The following TMTC4 variants were observed in gnomAD, a reference collection of about 807,000 sequenced individuals.
TMTC4 encodes protein O-mannosyl-transferase TMTC4.
In TMTC4, 65 loss-of-function variants were observed where a neutral mutation model predicts 86.0. That is an observed-to-expected ratio of 0.76 (90% confidence interval 0.62 to 0.93). TMTC4 has a LOEUF of 0.93. TMTC4 is among the 40% of genes least tolerant of loss of function. The probability of loss-of-function intolerance (pLI) is 0.00; values close to 1 mark genes in which losing one functional copy is unlikely to be tolerated. For synonymous variants in TMTC4, 379 were observed against 382.5 expected, an observed-to-expected ratio of 0.99 and a Z score of 0.11; for missense variants, 866 against 948.1, an observed-to-expected ratio of 0.91 and a Z score of 1.14.
At chr13:100,665,729 G>A (rs973097957) in intron 3 of TMTC4, among the ~76,000 whole-genome samples, 18 of 152,260 alleles carry the variant, frequency 1.2e-4, no homozygotes, top group Non-Finnish European at 2.2e-4. Context: ...CAGCCACCAT[G>A]CGACTTAGCA....
At chr13:100,636,838 T>C (rs1433227965) in intron 9 of TMTC4, 104 bp from the exon 10 acceptor site, 10 of 1,153,918 alleles carry the variant, frequency 8.7e-6, no homozygotes, top group African/African-American at 1.5e-5. Flanking sequence ...TTCTGCTCAA[T>C]GAAAGCAGTT....
intron 1 of TMTC4, among the ~76,000 whole-genome samples, chr13:100,671,276 G>C (rs1196780929): frequency 6.6e-6 from 1 of 152,146 alleles, no homozygotes; most frequent in Non-Finnish European, 1.5e-5. Context: ...GGGACTATAG[G>C]AGTGTGCCAC....
intron 6 of TMTC4, among the ~76,000 whole-genome samples, chr13:100,653,551 G>T (rs1884708540): frequency 1.3e-5 from 2 of 152,198 alleles, no homozygotes; most frequent in South Asian, 2.1e-4. Context: ...GGACACAGGG[G>T]ACTCCCCCAA....
At chr13:100,634,666 T>A in intron 12 of TMTC4, 139 bp downstream of exon 12, 1 of 1,080,954 alleles carries the variant, frequency 9.3e-7, no homozygotes, top group Non-Finnish European at 1.3e-6. Context: ...AAAAAAACCA[T>A]ACATAACAAA....
chr13:100,654,800 A>T (rs1884874909), intron 6 of TMTC4, among the ~76,000 whole-genome samples: 1 of 152,144 alleles, frequency 6.6e-6, no homozygotes, highest in African/African-American at 2.4e-5. Flanking sequence ...CTTTAGAAGT[A>T]GTGACAGGTT....
At chr13:100,619,208 G>A (rs1251120011) in intron 15 of TMTC4, among the ~76,000 whole-genome samples, 4 of 152,052 alleles carry the variant, frequency 2.6e-5, no homozygotes, top group Middle Eastern at 3.4e-3. Context: ...GCGGCCGGCC[G>A]GGCAGAGGGG....
intron 15 of TMTC4, among the ~76,000 whole-genome samples, chr13:100,618,105 T>C (rs1034422268): frequency 2.6e-5 from 4 of 152,166 alleles, no homozygotes; most frequent in East Asian, 1.9e-4. Flanking sequence ...CTCTTGTAAA[T>C]GGGATTGCAT....
intron 1 of TMTC4, chr13:100,673,317 A>T: frequency 1.0e-6 from 1 of 985,354 alleles, no homozygotes; most frequent in Non-Finnish European, 1.2e-6. Context: ...CCAAACCTAA[A>T]TGTTTCCCCT....
intron 1 of TMTC4, chr13:100,673,939 G>T (rs1288574298): frequency 5.2e-6 from 4 of 774,268 alleles, no homozygotes; most frequent in Non-Finnish European, 6.3e-6. Context: ...TTGCTCTCCC[G>T]GGGAAAGAGC....
At chr13:100,658,538 G>T (rs1017501552) in intron 5 of TMTC4, among the ~76,000 whole-genome samples, 6 of 152,062 alleles carry the variant, frequency 3.9e-5, no homozygotes, top group African/African-American at 1.4e-4. Flanking sequence ...ACAGGAAACA[G>T]GGGGAGCAGG....
At chr13:100,660,074 T>C (rs1306230593) in intron 5 of TMTC4, among the ~76,000 whole-genome samples, 1 of 151,772 alleles carries the variant, frequency 6.6e-6, no homozygotes, top group Non-Finnish European at 1.5e-5. Context: ...CTCACACCTG[T>C]AATCCCAGCA....
At position 100,605,945 on chromosome 13, in the gene TMTC4, G is replaced by A. The variant is rs1363323273; in HGVS notation, c.2134+413C>T. The stretch of plus-strand genomic sequence containing the variant: ...AGGCATAAGAGGATATAAAGCAGAA[G>A]ACCAGGCTGGAAGGGGAAGGTCTAC... On this transcript the variant is annotated intron_variant, in intron 18 of 18. Coordinates refer to ENST00000342624, the MANE Select transcript of TMTC4 (RefSeq NM_032813.5). This position sits in a 1 kb window ranked among gnomAD's most constrained non-coding sequence, Gnocchi z 4.3. Among the ~76,000 whole-genome samples the A allele has an allele frequency of 6.6e-6, 1 of 152,160 alleles. No individual in the cohort carries two copies. The highest frequency in any genetic ancestry group is 1.5e-5 in the Non-Finnish European group (1 of 68,026).
rs1876332803 is a variant in TMTC4 at position 100,604,876 on chromosome 13, A to C, written c.*118T>G. The C allele has an allele frequency of 3.3e-6, 4 of 1,215,404 alleles. No homozygotes were observed. In the East Asian group the frequency reaches 8.3e-5, roughly 25 times the overall value. 75.3% of individuals were successfully genotyped at this position (1,215,404 alleles called of 1,614,324 possible). A position where few individuals can be genotyped will look rare whatever the true frequency, so the allele number is the denominator to read the frequency against. On this transcript the variant is annotated 3_prime_UTR_variant, in exon 19 of 19. Coordinates refer to ENST00000342624, the MANE Select transcript of TMTC4 (RefSeq NM_032813.5). Reference sequence around the variant, plus strand: ...TTTTTGCATGTCTTTGTTTTCATAGAAAAAAATCAGTAAAATAACATGTCT... The same window carrying C: ...TTTTTGCATGTCTTTGTTTTCATAGCAAAAAATCAGTAAAATAACATGTCT...
chr13:100,612,011 CTGT>C (rs892104022), intron 17 of TMTC4, among the ~76,000 whole-genome samples: 7 of 152,214 alleles, frequency 4.6e-5, no homozygotes, highest in African/African-American at 1.7e-4. Flanking sequence ...GAGTCAAACC[CTGT>C]TGTGCTAGGG....
At position 100,614,387 on chromosome 13, in the gene TMTC4, C is replaced by T. The variant is rs1566563099; in HGVS notation, c.1880G>A (p.Arg627Lys). ...NRHVDALNAW[R>K]NATVLKPEHS... Reference sequence around the variant, plus strand: ...CTCTGGTTTCAGCACGGTGGCATTTCTCCACGCATTCAAGGCATCCACGTG... The same window carrying T: ...CTCTGGTTTCAGCACGGTGGCATTTTTCCACGCATTCAAGGCATCCACGTG... Residue 627 changes from arginine to lysine, a missense_variant, in exon 16 of 19, where the codon AGA becomes AAA. Coordinates refer to ENST00000342624, the MANE Select transcript of TMTC4 (RefSeq NM_032813.5). 1 of 1,613,514 alleles carries T rather than the reference C, an allele frequency of 6.2e-7. No individual in the cohort carries two copies. Among genetic ancestry groups the T allele is most frequent in the African/African-American group, 1.3e-5 (1 of 74,808 alleles).
upstream of TMTC4, chr13:100,674,811 CCG>C: frequency 1.0e-6 from 1 of 980,916 alleles, no homozygotes; most frequent in African/African-American, 1.8e-5. Context: ...CTCCAGGCAC[CCG>C]CCCGGACCTG....
At chr13:100,633,425 T>C (rs1028303726) in intron 12 of TMTC4, among the ~76,000 whole-genome samples, 1 of 150,302 alleles carries the variant, frequency 6.7e-6, no homozygotes, top group Non-Finnish European at 1.5e-5. Context: ...ATCCAGCAGA[T>C]AGGTATTATC....
chr13:100,655,801 G>A (rs1315896675), intron 6 of TMTC4, among the ~76,000 whole-genome samples: 1 of 152,192 alleles, frequency 6.6e-6, no homozygotes, highest in Non-Finnish European at 1.5e-5. Context: ...ATAATAAAAG[G>A]GGGTGGGAGT....
chr13:100,613,553 T>C (rs891763232), intron 16 of TMTC4, among the ~76,000 whole-genome samples: 1 of 152,114 alleles, frequency 6.6e-6, no homozygotes, highest in Non-Finnish European at 1.5e-5. Flanking sequence ...ATGGACCTAG[T>C]ACTATCCATG....
Sources: gnomAD v4.1 joint callset for allele counts (sites outside exome capture counted in the v4.1 genomes callset) on GRCh38, gnomAD v4.1.1 for gene constraint, Gnocchi (gnomAD v3.1) non-coding constraint, MANE v1.5 for transcripts, NCBI Gene and HGNC (gene_info 2026-07-23, HGNC 2026-07-21) for gene names.